ZNF277: variants seen among roughly 807,000 people sequenced by gnomAD.
ZNF277 encodes zinc finger protein 277, also known as nuclear receptor-interacting factor 4.
A neutral mutation model predicts 60.7 loss-of-function variants in ZNF277; 55 were observed. The observed-to-expected ratio is 0.91, with a 90% CI of 0.73 to 1.13. The LOEUF (loss-of-function observed/expected upper bound fraction) is 1.13. Among genes scored for constraint, ZNF277 ranks in the 50% most tolerant of loss-of-function variants. The pLI, the probability that ZNF277 is intolerant of heterozygous loss-of-function variation, is 0.00. For synonymous variants in ZNF277, 178 were observed against 179.3 expected, an observed-to-expected ratio of 0.99 and a Z score of 0.06; for missense variants, 510 against 523.0, an observed-to-expected ratio of 0.98 and a Z score of 0.24.
At chr7:112,296,912 ATTTTTTTTTTTTT>A (rs1170078999) in intron 4 of ZNF277, among the ~76,000 whole-genome samples, 75 of 39,670 alleles carry the variant, frequency 1.9e-3, no homozygotes, top group African/African-American at 4.1e-3. Flanking sequence ...TTATTTATTT[ATTTTTTTTTTTTT>A]TTTTTTTTTT....
intron 1 of ZNF277, among the ~76,000 whole-genome samples, chr7:112,245,476 T>C (rs753201693): frequency 1.3e-5 from 2 of 152,224 alleles, no homozygotes; most frequent in Non-Finnish European, 2.9e-5. Context: ...CTATGCTATG[T>C]CATAGCATAG....
intron 1 of ZNF277, among the ~76,000 whole-genome samples, chr7:112,210,476 T>G (rs1311008133): frequency 4.7e-5 from 7 of 149,604 alleles, no homozygotes; most frequent in African/African-American, 1.7e-4. Context: ...TTTTTTTTTT[T>G]TGTTTTTTTT....
At chr7:112,220,404 G>A (rs1350924252) in intron 1 of ZNF277, among the ~76,000 whole-genome samples, 2 of 151,692 alleles carry the variant, frequency 1.3e-5, no homozygotes, top group South Asian at 2.1e-4. Context: ...TACTGAGTTC[G>A]TTTATCAGTT....
chr7:112,236,517 A>G (rs1790788949), intron 1 of ZNF277, among the ~76,000 whole-genome samples: 1 of 152,054 alleles, frequency 6.6e-6, no homozygotes, highest in Non-Finnish European at 1.5e-5. Flanking sequence ...ATCTTATTAT[A>G]GTTGAACATG....
chr7:112,307,537 A>G (rs1286107874), intron 4 of ZNF277, among the ~76,000 whole-genome samples: 1 of 151,774 alleles, frequency 6.6e-6, no homozygotes, highest in South Asian at 2.1e-4. Context: ...TCCTTAGCCT[A>G]CTGACTGCCT....
At position 112,248,720 on chromosome 7, in the gene ZNF277, A is replaced by G. The variant is rs564925640; in HGVS notation, c.92-38153A>G. On this transcript the variant is annotated intron_variant, in intron 1 of 11. Transcript: ENST00000361822. ...TTTTTTTAGTAGGATCATTCCATAA[A>G]TTCTGTTTCCTAGTCTGATTGTTTT... Among the ~76,000 whole-genome samples, 8 of 152,088 alleles carry G rather than the reference A, an allele frequency of 5.3e-5. No homozygotes were observed. The South Asian group carries it at 1.7e-3, about 32-fold the overall frequency.
chr7:112,214,239 C>A (rs1821826231), intron 1 of ZNF277, among the ~76,000 whole-genome samples: 1 of 152,208 alleles, frequency 6.6e-6, no homozygotes. Context: ...AGAAATCATA[C>A]TCTCTTCTAA....
In ZNF277 at chr7:112,306,879, T is replaced by A. The variant is rs979700619; in HGVS notation, c.465+10568T>A. Among the ~76,000 whole-genome samples the A allele has an allele frequency of 2.0e-5, 3 of 152,234 alleles. 1 individual carries two copies. In the South Asian group the frequency reaches 6.2e-4, roughly 32 times the overall value. On this transcript the variant is annotated intron_variant, in intron 4 of 11. Coordinates refer to ENST00000361822, the MANE Select transcript of ZNF277 (RefSeq NM_021994.3). The stretch of plus-strand genomic sequence containing the variant: ...AGAACTTGCTTGGCAAACTGCAGGT[T>A]AGGTTCTCTCAGGCCTGTCCTTACA...
rs184550796 is a variant in ZNF277 at position 112,291,203 on chromosome 7, A to G, written c.293+4129A>G. On this transcript the variant is annotated intron_variant, in intron 2 of 11. Coordinates refer to ENST00000361822, the MANE Select transcript of ZNF277 (RefSeq NM_021994.3). ...AAATTGCTCTGGAAAATAAATGTTA[A>G]CTTCTTATTTCTTACCCTTTTCTAT... 1.7e-4 allele frequency among the ~76,000 whole-genome samples: 26 copies of G among 152,246 alleles called. No homozygotes were observed. In the East Asian group the frequency reaches 4.6e-3, roughly 27 times the overall value.
intron 1 of ZNF277, among the ~76,000 whole-genome samples, chr7:112,211,347 T>C (rs1323399449): frequency 1.3e-5 from 2 of 152,246 alleles, no homozygotes; most frequent in Non-Finnish European, 2.9e-5. Context: ...TAGTATATTT[T>C]GAACCTGTTC....
chr7:112,258,015 G>T (rs1036930297), intron 1 of ZNF277, among the ~76,000 whole-genome samples: 1 of 151,858 alleles, frequency 6.6e-6, no homozygotes. Flanking sequence ...ATCTTGCTAT[G>T]TTACCCAGGC....
chr7:112,262,842 T>A (rs1248579238), intron 1 of ZNF277, among the ~76,000 whole-genome samples: 2 of 152,124 alleles, frequency 1.3e-5, no homozygotes, highest in African/African-American at 2.4e-5. Flanking sequence ...ACACTCACAG[T>A]GTCCATAAAA....
intron 1 of ZNF277, among the ~76,000 whole-genome samples, chr7:112,285,686 G>A (rs964488567): frequency 5.4e-5 from 8 of 149,176 alleles, no homozygotes; most frequent in Non-Finnish European, 8.9e-5. Context: ...CGCCCACCTC[G>A]GCCTCCCAAA....
chr7:112,254,129 G>C (rs1018842063), intron 1 of ZNF277, among the ~76,000 whole-genome samples: 1 of 152,178 alleles, frequency 6.6e-6, no homozygotes. Flanking sequence ...TTTCTAAACT[G>C]TCTAACTAGC....
At chr7:112,225,850 T>C (rs1191718000) in intron 1 of ZNF277, among the ~76,000 whole-genome samples, 1 of 152,184 alleles carries the variant, frequency 6.6e-6, no homozygotes, top group Non-Finnish European at 1.5e-5. Flanking sequence ...ATTCCAGGAC[T>C]CCATAGAATT....
At chr7:112,248,761 T>A (rs1228118485) in intron 1 of ZNF277, among the ~76,000 whole-genome samples, 1 of 152,156 alleles carries the variant, frequency 6.6e-6, no homozygotes, top group African/African-American at 2.4e-5. Flanking sequence ...TAATCGCATA[T>A]ATCTTCGTAC....
At chr7:112,286,093 G>A (rs1584378091) in intron 1 of ZNF277, among the ~76,000 whole-genome samples, 1 of 152,172 alleles carries the variant, frequency 6.6e-6, no homozygotes, top group Non-Finnish European at 1.5e-5. Context: ...TGTGGTTTTA[G>A]GCTCTGAAAT....
chr7:112,271,782 C>CT (rs145202484), intron 1 of ZNF277, among the ~76,000 whole-genome samples: 4,303 of 148,496 alleles, frequency 0.029, 138 homozygotes, highest in Admixed American at 0.1. Context: ...TTCTGACATT[C>CT]TTTTTTTTTT....
At chr7:112,264,579 A>G (rs913693839) in intron 1 of ZNF277, among the ~76,000 whole-genome samples, 7 of 152,180 alleles carry the variant, frequency 4.6e-5, no homozygotes, top group Non-Finnish European at 1.0e-4. Context: ...TGGTGTGGAA[A>G]GTTATTTGTA....
Sources: allele counts gnomAD v4.1 joint callset (sites outside exome capture counted in the v4.1 genomes callset), GRCh38; gene constraint gnomAD v4.1.1; transcripts MANE v1.5; gene names NCBI Gene and HGNC (gene_info 2026-07-23, HGNC 2026-07-21).